HDAC8: variants seen among roughly 807,000 people sequenced by gnomAD.
The protein encoded by HDAC8 is histone deacetylase-like 1.
In HDAC8, 1 loss-of-function variant was observed where a neutral mutation model predicts 32.2. The ratio of observed to expected loss-of-function variants is 0.03; its 90% CI spans 0.01 to 0.15. HDAC8 has a LOEUF of 0.15. HDAC8 is among the 10% of genes least tolerant of loss of function. HDAC8 has a pLI of 1.00. For synonymous variants in HDAC8, 108 were observed against 113.9 expected, an observed-to-expected ratio of 0.95 and a Z score of 0.33; for missense variants, 117 against 300.0, an observed-to-expected ratio of 0.39 and a Z score of 4.51.
At chrX:72,355,414 T>C (rs1334195628) in intron 9 of HDAC8, among the ~76,000 whole-genome samples, 1 of 111,703 alleles carries the variant, frequency 9.0e-6, no homozygotes, top group Non-Finnish European at 1.9e-5. Flanking sequence ...CTAACCTCTC[T>C]CCACCCCTTC....
At chrX:72,522,733 A>G (rs1442479298) in intron 4 of HDAC8, among the ~76,000 whole-genome samples, 7 of 112,419 alleles carry the variant, frequency 6.2e-5, no homozygotes, top group Non-Finnish European at 1.3e-4. Context: ...AGTACTTGTT[A>G]CTGTTTTTAT....
chrX:72,539,372 C>CA (rs1293203903), intron 4 of HDAC8, among the ~76,000 whole-genome samples: 1 of 109,976 alleles, frequency 9.1e-6, no homozygotes, highest in African/African-American at 3.3e-5. Context: ...GCTGGGACTA[C>CA]AGGCATGCGC....
intron 4 of HDAC8, among the ~76,000 whole-genome samples, chrX:72,532,249 A>ATTTTTTTTTTTTT (rs34829256): frequency 5.5e-5 from 3 of 54,193 alleles, no homozygotes; most frequent in African/African-American, 1.5e-4. Context: ...CGTGTTGGGC[A>ATTTTTTTTTTTTT]TTTTTTTTTT....
At chrX:72,398,503 CT>C (rs1298288861) in intron 9 of HDAC8, among the ~76,000 whole-genome samples, 16 of 101,652 alleles carry the variant, frequency 1.6e-4, no homozygotes, top group Non-Finnish European at 1.8e-4. Flanking sequence ...TTTTTTTTTT[CT>C]TTTTTTTTTT....
At chrX:72,532,050 C>T (rs1460926888) in intron 4 of HDAC8, among the ~76,000 whole-genome samples, 1 of 111,355 alleles carries the variant, frequency 9.0e-6, no homozygotes, top group Non-Finnish European at 1.9e-5. Context: ...TAGCTGTTTT[C>T]TAAAGTGGCT....
At chrX:72,541,438 T>C (rs1365066632) in intron 4 of HDAC8, among the ~76,000 whole-genome samples, 1 of 112,412 alleles carries the variant, frequency 8.9e-6, no homozygotes, top group Non-Finnish European at 1.9e-5. Context: ...CAGGGCCTTG[T>C]AGGCCATGGT....
At chrX:72,557,711 A>G (rs974113019) in intron 4 of HDAC8, among the ~76,000 whole-genome samples, 2 of 111,712 alleles carry the variant, frequency 1.8e-5, no homozygotes, top group Non-Finnish European at 3.8e-5. Context: ...AACCCAGCAG[A>G]AGAAAAGAAA....
intron 1 of HDAC8, 42 bp downstream of exon 1, chrX:72,572,609 C>A (rs199939731): frequency 1.6e-6 from 1 of 612,789 alleles, no homozygotes; most frequent in South Asian, 5.7e-5. Flanking sequence ...GCCCCCACCC[C>A]CACCCCCAAA....
intron 9 of HDAC8, among the ~76,000 whole-genome samples, chrX:72,461,634 TA>T (rs1389704891): frequency 5.4e-5 from 6 of 110,759 alleles, no homozygotes; most frequent in African/African-American, 1.6e-4. Flanking sequence ...TGAAACTTCT[TA>T]AAAAAAAGAT....
chrX:72,515,184 C>T (rs182043604), intron 4 of HDAC8, among the ~76,000 whole-genome samples: 3 of 110,868 alleles, frequency 2.7e-5, no homozygotes, highest in African/African-American at 9.8e-5. Flanking sequence ...TATCCCCTGA[C>T]CAACATCTCC....
intron 4 of HDAC8, among the ~76,000 whole-genome samples, chrX:72,563,387 C>CA (rs1181676866): frequency 1.0e-4 from 11 of 109,903 alleles, no homozygotes; most frequent in East Asian, 2.9e-4. Flanking sequence ...CCCATCTCTA[C>CA]AAAAAAAGCC....
chrX:72,485,869 C>T (rs1367529204), intron 7 of HDAC8, among the ~76,000 whole-genome samples: 1 of 111,225 alleles, frequency 9.0e-6, no homozygotes, highest in African/African-American at 3.3e-5. Flanking sequence ...TGCCTGTAAT[C>T]CCAGCACTTT....
At chrX:72,378,783 C>T (rs1018703724) in intron 9 of HDAC8, among the ~76,000 whole-genome samples, 16 of 111,270 alleles carry the variant, frequency 1.4e-4, no homozygotes, top group African/African-American at 3.9e-4. Flanking sequence ...TGTAGTGACC[C>T]TTACTGGTGG....
chrX:72,558,627 A>G (rs2051370121), intron 4 of HDAC8, among the ~76,000 whole-genome samples: 1 of 111,767 alleles, frequency 8.9e-6, no homozygotes, highest in Non-Finnish European at 1.9e-5. Flanking sequence ...ACCCACGGCC[A>G]ACATTATACT....
intron 9 of HDAC8, among the ~76,000 whole-genome samples, chrX:72,444,375 G>A (rs1555983577): frequency 9.0e-6 from 1 of 111,564 alleles, no homozygotes; most frequent in Non-Finnish European, 1.9e-5. Flanking sequence ...TGCAACACTG[G>A]TTCAATATAC....
chrX:72,533,996 C>G (rs1210609406), intron 4 of HDAC8, among the ~76,000 whole-genome samples: 3 of 109,706 alleles, frequency 2.7e-5, no homozygotes, highest in African/African-American at 9.9e-5. Context: ...ATTGGAGGCT[C>G]TAGCCAGGGC....
rs3830710 is a variant in HDAC8 at position 72,572,125 on chromosome X, T to TA, written c.112-17dup. 38,348 of 873,742 alleles carry TA rather than the reference T, an allele frequency of 0.044. 413 individuals carry two copies. Among genetic ancestry groups the TA allele is most frequent in the African/African-American group, 0.19 (8,502 of 44,910 alleles). The allele number at this position is 873,742 out of a possible 1,213,427, so 72.0% of individuals were successfully genotyped here. On this transcript the variant is annotated splice_polypyrimidine_tract_variant and intron_variant, in intron 1 of 10. Transcript: ENST00000373573. ...CCATACTGGCCTAAAAACATCAGCG[T>TA]AAAAAAAAAAAAAGAAAAGCAGAAA...
chrX:72,440,992 G>A (rs1386872172), intron 9 of HDAC8, among the ~76,000 whole-genome samples: 10 of 113,064 alleles, frequency 8.8e-5, no homozygotes, highest in African/African-American at 2.9e-4. Flanking sequence ...AGGGGCGCCC[G>A]CCATTGCCCA....
At chrX:72,392,859 TA>T (rs1257397100) in intron 9 of HDAC8, among the ~76,000 whole-genome samples, 1 of 112,047 alleles carries the variant, frequency 8.9e-6, no homozygotes, top group East Asian at 2.8e-4. Flanking sequence ...CCAAAGACTT[TA>T]AAAAATTATT....
Sources: allele counts gnomAD v4.1 joint callset (sites outside exome capture counted in the v4.1 genomes callset), GRCh38; gene constraint gnomAD v4.1.1; transcripts MANE v1.5; gene names NCBI Gene and HGNC (gene_info 2026-07-23, HGNC 2026-07-21).